The following TSPAN33 variants were observed in gnomAD, a reference collection of about 807,000 sequenced individuals.
TSPAN33 encodes the protein tetraspanin 33, also known as tetraspanin-33.
TSPAN33 carries 27 observed loss-of-function variants against 34.8 expected under a neutral mutation model. That is an observed-to-expected ratio of 0.78 (90% CI 0.57 to 1.07). The LOEUF (loss-of-function observed/expected upper bound fraction) is 1.07, where lower values mean the gene tolerates loss of function less well. Among genes scored for constraint, TSPAN33 ranks in the 50% least tolerant of loss-of-function variants. TSPAN33 has a pLI of 0.00. For missense variants in TSPAN33, 272 were observed against 324.9 expected, an observed-to-expected ratio of 0.84 and a Z score of 1.25; for synonymous variants, 119 against 124.2, an observed-to-expected ratio of 0.96 and a Z score of 0.28.
intron 1 of TSPAN33, among the ~76,000 whole-genome samples, chr7:129,156,875 G>A (rs1206013353): frequency 6.6e-6 from 1 of 152,158 alleles, no homozygotes; most frequent in Non-Finnish European, 1.5e-5. Flanking sequence ...CTTTCATAGG[G>A]ATAATGGTAC....
intron 1 of TSPAN33, among the ~76,000 whole-genome samples, chr7:129,154,858 CA>C (rs1206652596): frequency 6.6e-6 from 1 of 151,898 alleles, no homozygotes; most frequent in African/African-American, 2.4e-5. Context: ...GGACGTTTCT[CA>C]AAAAACAAAA....
chr7:129,167,984 A>T lies in TSPAN33; in HGVS notation c.*110A>T, dbSNP rs1793170432. 3.3e-6 allele frequency: 5 copies of T among 1,495,192 alleles called. No individual in the cohort carries two copies. The South Asian group carries it at 6.7e-5, about 20-fold the overall frequency. 92.6% of individuals were successfully genotyped at this position (1,495,192 alleles called of 1,614,324 possible). A position where few individuals can be genotyped will look rare whatever the true frequency, so the allele number is the denominator to read the frequency against. On this transcript the variant is annotated 3_prime_UTR_variant, in exon 8 of 8. Transcript: ENST00000486685. The surrounding 1 kb of genome is among the most constrained non-coding windows in gnomAD (Gnocchi z 4.6). ...AGATTTGGATTCCAGCCCCCCAGTG[A>T]CAGCCCAGTGGGAAGAAGCAAACTC...
chr7:129,157,288 C>G (rs1165301576), intron 1 of TSPAN33, among the ~76,000 whole-genome samples: 1 of 152,010 alleles, frequency 6.6e-6, no homozygotes, highest in Non-Finnish European at 1.5e-5. Context: ...AGGTTCTGTT[C>G]ACCTCCAAAC....
chr7:129,152,302 G>A (rs58496468), intron 1 of TSPAN33, among the ~76,000 whole-genome samples: 31,857 of 152,196 alleles, frequency 0.21, 3,515 homozygotes, highest in Admixed American at 0.27. Flanking sequence ...ACTATCCACA[G>A]CAGCCAAAAG....
chr7:129,145,326 T>C (rs1368575606), intron 1 of TSPAN33, among the ~76,000 whole-genome samples: 1 of 151,474 alleles, frequency 6.6e-6, no homozygotes, highest in Non-Finnish European at 1.5e-5. Context: ...CGGAGGAGGG[T>C]CTGTGTTAGG....
rs1235623818 is a variant in TSPAN33, at chr7:129,161,666, CCT to C, written c.103-12_103-11del. On this transcript the variant is annotated splice_polypyrimidine_tract_variant and intron_variant, in intron 1 of 7. Coordinates refer to ENST00000486685, the MANE Select transcript of TSPAN33 (RefSeq NM_178562.5). The stretch of plus-strand genomic sequence containing the variant: ...CAGAATCTCAGGGTCTGGCTCTTTT[CCT>C]GTCTCCACAGGTGATTTCCATGGTG... 2 of 1,614,062 alleles carry C rather than the reference CCT, an allele frequency of 1.2e-6. No homozygotes were observed. The highest frequency in any genetic ancestry group is 2.2e-5 in the South Asian group (2 of 91,064).
rs1793158832 is a variant in TSPAN33 at position 129,167,393 on chromosome 7, C to G, written c.589-6C>G. The stretch of plus-strand genomic sequence containing the variant: ...GTCCCAATTGGCTTTTCAACTCTTT[C>G]CCCAGGCAGTGATCAACACTATGTG... On this transcript the variant is annotated splice_polypyrimidine_tract_variant and splice_region_variant and intron_variant, in intron 6 of 7. Transcript: ENST00000486685. This position sits in a 1 kb window ranked among gnomAD's most constrained non-coding sequence, Gnocchi z 4.6. 6.2e-7 allele frequency: 1 copy of G among 1,605,982 alleles called. No homozygotes were observed. Among genetic ancestry groups the G allele is most frequent in the African/African-American group, 1.3e-5 (1 of 74,752 alleles).
intron 1 of TSPAN33, among the ~76,000 whole-genome samples, chr7:129,156,650 T>C (rs1238227193): frequency 1.3e-5 from 2 of 152,220 alleles, no homozygotes; most frequent in Non-Finnish European, 2.9e-5. Context: ...TTGGGAGCTC[T>C]TTCAGTTGGC....
chr7:129,163,028 GAA>G (rs1282185860), intron 4 of TSPAN33, 121 bp downstream of exon 4: 1 of 932,608 alleles, frequency 1.1e-6, no homozygotes, highest in African/African-American at 1.6e-5. Context: ...ATCAGTCGTT[GAA>G]AAGTTCATTA....
At position 129,148,140 on chromosome 7, in the gene TSPAN33, G is replaced by A. The variant is rs534452423; in HGVS notation, c.102+3058G>A. Reference sequence around the variant, plus strand: ...GCCTGCTTTCTCAGCTTGGCCATGTGTTGTCAGGAATATTCAGTGCCGCCC... The same window carrying A: ...GCCTGCTTTCTCAGCTTGGCCATGTATTGTCAGGAATATTCAGTGCCGCCC... On this transcript the variant is annotated intron_variant, in intron 1 of 7. Transcript: ENST00000486685. The surrounding 1 kb of genome is among the most constrained non-coding windows in gnomAD (Gnocchi z 4.2). 6.6e-4 allele frequency among the ~76,000 whole-genome samples: 100 copies of A among 152,276 alleles called. No individual in the cohort carries two copies. Among genetic ancestry groups the A allele is most frequent in the Non-Finnish European group, 1.1e-3 (74 of 68,024 alleles).
rs769954197 is a variant in TSPAN33, at chr7:129,162,382, C to A, written c.161-12C>A. The A allele has an allele frequency of 1.2e-6, 2 of 1,611,278 alleles. No individual in the cohort carries two copies. The highest frequency in any genetic ancestry group is 1.7e-6 in the Non-Finnish European group (2 of 1,179,986). On this transcript the variant is annotated splice_polypyrimidine_tract_variant and intron_variant, in intron 2 of 7. Transcript: ENST00000486685. ...GCACCAGGCTCAGGCTGAGGGCCGGCTCCTTTTCCAGAAGCAGCCCTAGCC... is the reference window on the plus strand; with the variant it reads ...GCACCAGGCTCAGGCTGAGGGCCGGATCCTTTTCCAGAAGCAGCCCTAGCC...
Position 129,162,873 on chromosome 7 carries a change from C to T in TSPAN33, c.329C>T (p.Ala110Val), listed in dbSNP as rs901755311. Residue 110 changes from alanine (A) to valine (V), a missense_variant, in exon 4 of 8, where the codon GCC becomes GTC. Ala to Val is a moderately conservative substitution (Grantham distance 64, BLOSUM62 0). Transcript: ENST00000486685. The part of the protein sequence containing the change: ...CLTAVFLLQL[A>V]AGILGFVFSD... Reference sequence around the variant, plus strand: ...ACCGCTGTGTTCCTGCTGCAGCTGGCCGCTGGGATCCTGGGCTTCGTCTTC... The same window carrying T: ...ACCGCTGTGTTCCTGCTGCAGCTGGTCGCTGGGATCCTGGGCTTCGTCTTC... The T allele has an allele frequency of 2.5e-6, 4 of 1,613,930 alleles. No individual in the cohort carries two copies. Among genetic ancestry groups the T allele is most frequent in the Non-Finnish European group, 3.4e-6 (4 of 1,179,900 alleles).
Position 129,162,377 on chromosome 7 carries a change from G to A in TSPAN33, c.161-17G>A. 1.2e-6 allele frequency: 2 copies of A among 1,610,232 alleles called. No individual in the cohort carries two copies. The highest frequency in any genetic ancestry group is 1.7e-6 in the Non-Finnish European group (2 of 1,179,968). ...AGTGGGCACCAGGCTCAGGCTGAGG[G>A]CCGGCTCCTTTTCCAGAAGCAGCCC... On this transcript the variant is annotated splice_polypyrimidine_tract_variant and intron_variant, in intron 2 of 7. Coordinates refer to ENST00000486685, the MANE Select transcript of TSPAN33 (RefSeq NM_178562.5).
In TSPAN33 at chr7:129,144,980, C is replaced by G. The variant is rs763013484; in HGVS notation, c.-1C>G. 4.7e-6 allele frequency: 3 copies of G among 640,314 alleles called. No individual in the cohort carries two copies. The highest frequency in any genetic ancestry group is 5.4e-5 in the Admixed American group (2 of 37,288). The allele number at this position is 640,314 out of a possible 1,614,324, so 39.7% of individuals were successfully genotyped here. Reference sequence around the variant, plus strand: ...CCGGGGGCGGTGGCGGCGGCGGGGCCATGGCGCGGAGACCCCGGGCGCCGG... The same window carrying G: ...CCGGGGGCGGTGGCGGCGGCGGGGCGATGGCGCGGAGACCCCGGGCGCCGG... On this transcript the variant is annotated 5_prime_UTR_variant, in exon 1 of 8. Transcript: ENST00000486685.
rs542228574 is a variant in TSPAN33 at position 129,165,635 on chromosome 7, C to A, written c.459+1066C>A. Among the ~76,000 whole-genome samples the A allele has an allele frequency of 6.6e-6, 1 of 152,190 alleles. No individual in the cohort carries two copies. The highest frequency in any genetic ancestry group is 2.4e-5 in the African/African-American group (1 of 41,436). ...ATCAAAAGTTAACAATTAGGCCAGG[C>A]ATGGTAGCTTACATCTGTAATCCCA... On this transcript the variant is annotated intron_variant, in intron 5 of 7. Transcript: ENST00000486685. This position sits in a 1 kb window ranked among gnomAD's most constrained non-coding sequence, Gnocchi z 4.5.
At chr7:129,150,401 T>G (rs1162075319) in intron 1 of TSPAN33, among the ~76,000 whole-genome samples, 1 of 152,162 alleles carries the variant, frequency 6.6e-6, no homozygotes, top group Admixed American at 6.5e-5. Flanking sequence ...ATTTGGAGAT[T>G]ATCAGCTGCT....
At chr7:129,160,831 C>T (rs952567897) in intron 1 of TSPAN33, among the ~76,000 whole-genome samples, 14 of 152,156 alleles carry the variant, frequency 9.2e-5, no homozygotes, top group African/African-American at 3.1e-4. Flanking sequence ...CAGATAGATT[C>T]GAATTCAAAA....
chr7:129,162,129 T>C (rs1488616127), intron 2 of TSPAN33, among the ~76,000 whole-genome samples: 2 of 152,226 alleles, frequency 1.3e-5, no homozygotes, highest in Non-Finnish European at 2.9e-5. Context: ...ATTCCAATTC[T>C]TTTGCGGAGC....
intron 2 of TSPAN33, 119 bp from the exon 3 acceptor site, chr7:129,162,275 C>G: frequency 2.0e-6 from 3 of 1,483,832 alleles, no homozygotes; most frequent in Non-Finnish European, 2.7e-6. Flanking sequence ...AACCTTCATC[C>G]AACCATAATG....
Sources: allele counts gnomAD v4.1 joint callset (sites outside exome capture counted in the v4.1 genomes callset), GRCh38; gene constraint gnomAD v4.1.1; non-coding constraint Gnocchi (gnomAD v3.1); transcripts MANE v1.5; gene names NCBI Gene and HGNC (gene_info 2026-07-23, HGNC 2026-07-21).